Variants in ASXL1 observed in about 807,000 individuals in gnomAD.
The protein encoded by ASXL1 is ASXL transcriptional regulator 1.
In ASXL1, 65 loss-of-function variants were observed where a neutral mutation model predicts 89.1. The observed-to-expected ratio is 0.73, with a 90% CI of 0.60 to 0.90. The LOEUF is 0.90. Among genes scored for constraint, ASXL1 ranks in the 40% least tolerant of loss-of-function variants. The pLI, the probability that ASXL1 is intolerant of heterozygous loss-of-function variation, is 0.00. For synonymous variants in ASXL1, 739 were observed against 746.9 expected, an observed-to-expected ratio of 0.99 and a Z score of 0.17; for missense variants, 1,786 against 1,942.9, an observed-to-expected ratio of 0.92 and a Z score of 1.52.
intron 3 of ASXL1, among the ~76,000 whole-genome samples, chr20:32,368,198 G>A (rs1237564807): frequency 6.6e-6 from 1 of 152,098 alleles, no homozygotes; most frequent in African/African-American, 2.4e-5. Context: ...GCACTAATAT[G>A]CTAGTGCCAA....
intron 6 of ASXL1, chr20:32,428,649 ATTC>A: frequency 6.2e-5 from 11 of 176,772 alleles, no homozygotes; most frequent in South Asian, 1.6e-4. Context: ...GATTTTGTTC[ATTC>A]TTTTTTTTTT....
chr20:32,402,594 A>G (rs974874216), intron 4 of ASXL1, among the ~76,000 whole-genome samples: 4 of 152,126 alleles, frequency 2.6e-5, no homozygotes, highest in South Asian at 4.1e-4. Context: ...AAGAAATCCA[A>G]TTGTTCTGCT....
At chr20:32,374,591 G>A (rs541528046) in intron 4 of ASXL1, among the ~76,000 whole-genome samples, 2 of 151,970 alleles carry the variant, frequency 1.3e-5, no homozygotes, top group Admixed American at 6.6e-5. Flanking sequence ...CACGGTGCCC[G>A]GCCCCTTATT....
chr20:32,421,862 TTTTC>T (rs1265920960), intron 4 of ASXL1, among the ~76,000 whole-genome samples: 2 of 128,524 alleles, frequency 1.6e-5, no homozygotes, highest in African/African-American at 2.9e-5. Flanking sequence ...GGGTGGTTTC[TTTTC>T]TTTTTTTTTT....
chr20:32,402,669 G>A (rs930694659), intron 4 of ASXL1, among the ~76,000 whole-genome samples: 2 of 152,158 alleles, frequency 1.3e-5, no homozygotes, highest in Non-Finnish European at 2.9e-5. Flanking sequence ...ATGCATAGTA[G>A]TATCTCATGC....
rs751446817 is a variant in ASXL1, at chr20:32,436,198, T to G, written c.3486T>G (p.Val1162=). Residue 1162 remains valine, a synonymous_variant, in exon 13 of 13, where the codon GTT becomes GTG. Transcript: ENST00000375687. ...GTCTTGGAAAAAACAGTGGCATGGT[T>G]GATGGAAGCAGCCCCAGTTCTTTAA... ...LHGLGKNSGM[V]DGSSPSSLRA... is the part of the protein sequence containing the mutation. 5.0e-6 allele frequency: 8 copies of G among 1,614,098 alleles called. No homozygotes were observed. The East Asian group carries it at 1.8e-4, about 36-fold the overall frequency.
intron 4 of ASXL1, among the ~76,000 whole-genome samples, chr20:32,395,123 T>G (rs1487526518): frequency 6.6e-6 from 1 of 152,256 alleles, no homozygotes; most frequent in Non-Finnish European, 1.5e-5. Context: ...CCAGATTTTC[T>G]TCAGTTTTTT....
At chr20:32,407,223 A>T (rs1480475326) in intron 4 of ASXL1, among the ~76,000 whole-genome samples, 1 of 152,016 alleles carries the variant, frequency 6.6e-6, no homozygotes, top group African/African-American at 2.4e-5. Context: ...GGGTACCTGT[A>T]ATTCCAGCTA....
Position 32,433,635 on chromosome 20 carries a change from C to G in ASXL1, c.1437C>G (p.Pro479=), listed in dbSNP as rs1473061817. The G allele has an allele frequency of 6.2e-7, 1 of 1,612,782 alleles. No individual in the cohort carries two copies. Among genetic ancestry groups the G allele is most frequent in the Non-Finnish European group, 8.5e-7 (1 of 1,178,892 alleles). The part of the protein sequence containing the change: ...TSSAAPDLEG[P]EFPVESVASR... ...CTGCAGCACCCGACCTGGAGGGTCCCGAATTCCCAGTTGAGTCTGTGGCTT... is the reference window on the plus strand; with the variant it reads ...CTGCAGCACCCGACCTGGAGGGTCCGGAATTCCCAGTTGAGTCTGTGGCTT... The change falls in exon 12 of 13, where the codon CCC becomes CCG. Residue 479 remains proline, a synonymous_variant. Coordinates refer to ENST00000375687, the MANE Select transcript of ASXL1 (RefSeq NM_015338.6).
rs1048238551 is a variant in ASXL1, at chr20:32,435,409, A to C, written c.2697A>C (p.Ile899=). The change falls in exon 13 of 13, where the codon ATA becomes ATC. Residue 899 remains isoleucine (I), a synonymous_variant. Transcript: ENST00000375687. ...ALVSNSSLHW[I]PIPSNDEVVK... ...TTTCTAACAGTTCTTTGCATTGGATACCCATCCCATCGAATGATGAGGTAG... is the reference window on the plus strand; with the variant it reads ...TTTCTAACAGTTCTTTGCATTGGATCCCCATCCCATCGAATGATGAGGTAG... The C allele has an allele frequency of 6.2e-7, 1 of 1,614,154 alleles. No individual in the cohort carries two copies. Among genetic ancestry groups the C allele is most frequent in the Non-Finnish European group, 8.5e-7 (1 of 1,180,020 alleles).
In ASXL1 at chr20:32,435,532, G is replaced by C; in HGVS notation, c.2820G>C (p.Leu940Phe). Residue 940 changes from leucine (L) to phenylalanine (F), a missense_variant, in exon 13 of 13, where the codon TTG becomes TTC. Physicochemically the swap from Leu to Phe is conservative, Grantham distance 22. Around this residue, in one of 3 missense-constraint regions of ASXL1, gnomAD observed 1,418 missense variants for 1,427.8 expected, o/e 0.99. Transcript: ENST00000375687. ...WEKAAPTPPA[L>F]PGDLTAEEGL... ...AAGCTGCTCCCACCCCTCCTGCATT[G>C]CCTGGGGATTTGACAGCTGAGGAGG... 1 of 1,614,062 alleles carries C rather than the reference G, an allele frequency of 6.2e-7. No homozygotes were observed. The highest frequency in any genetic ancestry group is 8.5e-7 in the Non-Finnish European group (1 of 1,180,036).
In ASXL1 at chr20:32,399,747, CTTTTTTT is replaced by C. The variant is rs369127811; in HGVS notation, c.253-28356_253-28350del. Among the ~76,000 whole-genome samples, 681 of 73,882 alleles carry C rather than the reference CTTTTTTT, an allele frequency of 9.2e-3. 11 individuals are homozygous for C. Among genetic ancestry groups the C allele is most frequent in the African/African-American group, 0.044 (648 of 14,700 alleles). 48.5% of individuals were successfully genotyped at this position (73,882 alleles called of 152,430 possible). A position where few individuals can be genotyped will look rare whatever the true frequency, so the allele number is the denominator to read the frequency against. ...TTTTAAAAATCTCACATATTTTACT[CTTTTTTT>C]TTTTTTTTTTTTTTTTTTTTTTTTA... On this transcript the variant is annotated intron_variant, in intron 4 of 12. Coordinates refer to ENST00000375687, the MANE Select transcript of ASXL1 (RefSeq NM_015338.6).
intron 4 of ASXL1, among the ~76,000 whole-genome samples, chr20:32,400,899 A>G (rs1043541136): frequency 6.6e-5 from 10 of 152,306 alleles, no homozygotes; most frequent in Admixed American, 2.0e-4. Flanking sequence ...CAGCATCTTG[A>G]AAGCTATAGT....
intron 1 of ASXL1, among the ~76,000 whole-genome samples, chr20:32,364,063 A>G (rs753638936): frequency 6.6e-6 from 1 of 152,212 alleles, no homozygotes; most frequent in Non-Finnish European, 1.5e-5. Context: ...ACCTAGGTTC[A>G]GGTTGGGTTG....
rs780868413 is a variant in ASXL1, at chr20:32,436,150, G to A, written c.3438G>A (p.Ser1146=). 15 of 1,614,062 alleles carry A rather than the reference G, an allele frequency of 9.3e-6. No individual in the cohort carries two copies. Among genetic ancestry groups the A allele is most frequent in the East Asian group, 6.7e-5 (3 of 44,894 alleles). The change falls in exon 13 of 13, where the codon TCG becomes TCA. Residue 1146 remains serine, a synonymous_variant. Coordinates refer to ENST00000375687, the MANE Select transcript of ASXL1 (RefSeq NM_015338.6). ...TTACAAAAGACCAGAGCCATGGCTC[G>A]CTACGCATGGGATCTTTACATGGTC... is the stretch of plus-strand genomic sequence containing the variant. ...VPLTKDQSHG[S]LRMGSLHGLG... is the part of the protein sequence containing the mutation.
chr20:32,387,147 AAAAC>A (rs1254733812), intron 4 of ASXL1, among the ~76,000 whole-genome samples: 3 of 152,072 alleles, frequency 2.0e-5, no homozygotes, highest in Admixed American at 6.6e-5. Flanking sequence ...AAAAAACAAA[AAAAC>A]AAAAATTAAC....
chr20:32,435,280 C>T lies in ASXL1; in HGVS notation c.2568C>T (p.Cys856=), dbSNP rs140851370. ...SSTPESSPTD[C]LQNRAFDDEL... is the part of the protein sequence containing the mutation. Reference sequence around the variant, plus strand: ...CACCTGAATCCTCACCGACTGATTGCCTGCAGAACAGAGCATTTGATGACG... The same window carrying T: ...CACCTGAATCCTCACCGACTGATTGTCTGCAGAACAGAGCATTTGATGACG... Residue 856 remains cysteine (C), a synonymous_variant, in exon 13 of 13, where the codon TGC becomes TGT. Transcript: ENST00000375687. The T allele has an allele frequency of 6.2e-7, 1 of 1,614,052 alleles. No homozygotes were observed. The highest frequency in any genetic ancestry group is 1.3e-5 in the African/African-American group (1 of 74,928).
intron 4 of ASXL1, among the ~76,000 whole-genome samples, chr20:32,421,223 C>G (rs1456344450): frequency 7.0e-6 from 1 of 143,494 alleles, no homozygotes; most frequent in South Asian, 2.2e-4. Flanking sequence ...TATCCCAGAA[C>G]TTAAAGTAAA....
chr20:32,403,471 G>T (rs980994555), intron 4 of ASXL1, among the ~76,000 whole-genome samples: 10 of 152,136 alleles, frequency 6.6e-5, no homozygotes, highest in African/African-American at 2.2e-4. Flanking sequence ...CTGGGGTGTG[G>T]TGGTATGATC....
Sources: gnomAD v4.1 joint callset for allele counts (sites outside exome capture counted in the v4.1 genomes callset) on GRCh38, gnomAD v4.1.1 for gene constraint, gnomAD v4.1.1 regional missense constraint, MANE v1.5 for transcripts, NCBI Gene and HGNC (gene_info 2026-07-23, HGNC 2026-07-21) for gene names.